BMPR2: variants seen among roughly 807,000 people sequenced by gnomAD.
The protein encoded by BMPR2 is bone morphogenetic protein receptor type 2.
Under a neutral mutation model 100.8 loss-of-function variants are expected in BMPR2, and 29 were observed. The observed-to-expected ratio is 0.29, with a 90% CI of 0.21 to 0.39. The LOEUF is 0.39. BMPR2 is among the 10% of genes least tolerant of loss of function. The probability of loss-of-function intolerance (pLI) is 1.00; values close to 1 mark genes in which losing one functional copy is unlikely to be tolerated. For missense variants in BMPR2, 1,011 were observed against 1,274.5 expected, an observed-to-expected ratio of 0.79 and a Z score of 3.15; for synonymous variants, 382 against 442.3, an observed-to-expected ratio of 0.86 and a Z score of 1.71.
Position 202,402,885 on chromosome 2 carries a change from A to G in BMPR2, c.76+25335A>G, listed in dbSNP as rs946639351. On this transcript the variant is annotated intron_variant, in intron 1 of 12. Coordinates refer to ENST00000374580, the MANE Select transcript of BMPR2 (RefSeq NM_001204.7). ...CTTTTGTCGTCTAGGCTGGAGTGCA[A>G]TGGCGCGATCTCAGCTCACAGCAAA... 2.2e-3 allele frequency among the ~76,000 whole-genome samples: 327 copies of G among 151,046 alleles called. 1 individual carries two copies. Among genetic ancestry groups the G allele is most frequent in the African/African-American group, 7.4e-3 (305 of 41,132 alleles).
intron 3 of BMPR2, among the ~76,000 whole-genome samples, chr2:202,508,609 A>G (rs1427914046): frequency 2.0e-5 from 3 of 152,268 alleles, no homozygotes; most frequent in Non-Finnish European, 2.9e-5. Flanking sequence ...GTTTCTGTCA[A>G]CAAACCATAT....
At chr2:202,535,276 T>G (rs193159913) in intron 9 of BMPR2, among the ~76,000 whole-genome samples, 21,758 of 150,622 alleles carry the variant, frequency 0.14, 1,665 homozygotes, top group South Asian at 0.25. Flanking sequence ...GAGAGGCTCC[T>G]CACTTCTCAG....
chr2:202,418,049 G>T (rs1046048603), intron 1 of BMPR2, among the ~76,000 whole-genome samples: 3 of 151,910 alleles, frequency 2.0e-5, no homozygotes, highest in African/African-American at 7.3e-5. Flanking sequence ...TAATGCCATT[G>T]CCCACTTAAC....
intron 1 of BMPR2, among the ~76,000 whole-genome samples, chr2:202,403,614 CA>C (rs1690817373): frequency 6.6e-6 from 1 of 152,138 alleles, no homozygotes. Flanking sequence ...ATAATAGGGT[CA>C]TCTTATTTGT....
rs1688732425 is a variant in BMPR2 at position 202,564,900 on chromosome 2, G to T, written c.*4954G>T. On this transcript the variant is annotated 3_prime_UTR_variant, in exon 13 of 13. Coordinates refer to ENST00000374580, the MANE Select transcript of BMPR2 (RefSeq NM_001204.7). ...TCTCTACTAAAAATACAAATAATTA[G>T]CCAGGCATGGTGGCACGCGCCTGTA... 1.3e-5 allele frequency: 2 copies of T among 152,126 alleles called. No homozygotes were observed. Among genetic ancestry groups the T allele is most frequent in the African/African-American group, 4.8e-5 (2 of 41,414 alleles). The allele number at this position is 152,126 out of a possible 1,614,324, so 9.4% of individuals were successfully genotyped here. A position where few individuals can be genotyped will look rare whatever the true frequency, so the allele number is the denominator to read the frequency against.
chr2:202,433,911 A>T (rs191182855), intron 1 of BMPR2, among the ~76,000 whole-genome samples: 1 of 150,502 alleles, frequency 6.6e-6, no homozygotes, highest in East Asian at 1.9e-4. Flanking sequence ...TGTCTCAAAA[A>T]ATAAATAAAT....
chr2:202,390,978 G>GTTTT (rs1201898500), intron 1 of BMPR2, among the ~76,000 whole-genome samples: 2 of 78,542 alleles, frequency 2.5e-5, no homozygotes, highest in Admixed American at 1.4e-4. Flanking sequence ...TTAGTAAGTA[G>GTTTT]TCTTTTTTTT....
At chr2:202,396,529 G>A (rs79833125) in intron 1 of BMPR2, among the ~76,000 whole-genome samples, 153 of 152,196 alleles carry the variant, frequency 1.0e-3, no homozygotes, top group African/African-American at 3.2e-3. Context: ...TGATAGCTGG[G>A]GTCTTTGGGA....
rs1474687920 is a variant in BMPR2, at chr2:202,435,405, ATATG to A, written c.77-29402_77-29399del. Reference sequence around the variant, plus strand: ...TATATATATATATATATATATATATATATGTTTTTGTACAGTTATACAGTATGTT... The same window carrying A: ...TATATATATATATATATATATATATATTTTTGTACAGTTATACAGTATGTT... On this transcript the variant is annotated intron_variant, in intron 1 of 12. Transcript: ENST00000374580. Among the ~76,000 whole-genome samples the A allele has an allele frequency of 4.0e-3, 531 of 132,348 alleles. 8 individuals carry two copies. The highest frequency in any genetic ancestry group is 6.6e-3 in the Non-Finnish European group (418 of 63,566). The allele number at this position is 132,348 out of a possible 152,430, so 86.8% of individuals were successfully genotyped here.
chr2:202,429,341 A>G (rs539539707), intron 1 of BMPR2, among the ~76,000 whole-genome samples: 2 of 13,148 alleles, frequency 1.5e-4, no homozygotes, highest in East Asian at 8.0e-3. Context: ...CATTTTCAGC[A>G]TCATTTCCTA....
intron 7 of BMPR2, among the ~76,000 whole-genome samples, chr2:202,522,994 CT>C: frequency 6.6e-6 from 1 of 152,196 alleles, no homozygotes; most frequent in Middle Eastern, 3.4e-3. Flanking sequence ...CAACAAAGGT[CT>C]AATATCCAGA....
chr2:202,491,647 AC>A (rs1369306140), intron 3 of BMPR2, among the ~76,000 whole-genome samples: 1 of 151,488 alleles, frequency 6.6e-6, no homozygotes. Flanking sequence ...CAGGAGATCC[AC>A]CCGCCTCAGC....
chr2:202,543,373 A>C (rs1688316777), intron 10 of BMPR2, among the ~76,000 whole-genome samples: 2 of 150,604 alleles, frequency 1.3e-5, no homozygotes, highest in Admixed American at 6.6e-5. Flanking sequence ...ATATACACTC[A>C]TATAATCTTT....
In BMPR2 at chr2:202,562,026, T is replaced by G. The variant is rs1688685496; in HGVS notation, c.*2080T>G. ...TTATTCTTCTATTAACAAATTATTT[T>G]TATCTTTCCTAGTACATTTTCACTT... On this transcript the variant is annotated 3_prime_UTR_variant, in exon 13 of 13. Transcript: ENST00000374580. 1 of 152,206 alleles carries G rather than the reference T, an allele frequency of 6.6e-6. No homozygotes were observed. Among genetic ancestry groups the G allele is most frequent in the Admixed American group, 6.5e-5 (1 of 15,280 alleles). 9.4% of individuals were successfully genotyped at this position (152,206 alleles called of 1,614,324 possible).
At chr2:202,485,824 C>A (rs1692767400) in intron 3 of BMPR2, among the ~76,000 whole-genome samples, 1 of 151,948 alleles carries the variant, frequency 6.6e-6, no homozygotes, top group South Asian at 2.1e-4. Context: ...AGATTACGGG[C>A]ATGAGCCAGG....
At chr2:202,530,712 C>G in intron 7 of BMPR2, 82 bp from the exon 8 acceptor site, 1 of 1,251,438 alleles carries the variant, frequency 8.0e-7, no homozygotes, top group Non-Finnish European at 1.1e-6. Flanking sequence ...AAAAATAATA[C>G]TACTTCTATA....
chr2:202,466,475 T>TA (rs1305484557), intron 2 of BMPR2, among the ~76,000 whole-genome samples: 1 of 151,892 alleles, frequency 6.6e-6, no homozygotes, highest in African/African-American at 2.4e-5. Context: ...TTAGTGGAGA[T>TA]AGAGTTTTGC....
At position 202,557,286 on chromosome 2, in the gene BMPR2, A is replaced by G. The variant is rs1338173718; in HGVS notation, c.2866+755A>G. Among the ~76,000 whole-genome samples the G allele has an allele frequency of 4.6e-5, 7 of 151,912 alleles. No individual in the cohort carries two copies. In the East Asian group the frequency reaches 1.4e-3, roughly 29 times the overall value. ...AGATCAGCCTGGCCAAGGTGGTGAA[A>G]CCCCTGTGTCTACTAAAAATACAAA... On this transcript the variant is annotated intron_variant, in intron 12 of 12. Coordinates refer to ENST00000374580, the MANE Select transcript of BMPR2 (RefSeq NM_001204.7).
chr2:202,456,604 T>G (rs1295819703), intron 1 of BMPR2, among the ~76,000 whole-genome samples: 1 of 149,888 alleles, frequency 6.7e-6, no homozygotes, highest in Non-Finnish European at 1.5e-5. Flanking sequence ...AACCTCTGCC[T>G]CCTGAGTTCA....
Sources: allele counts gnomAD v4.1 joint callset (sites outside exome capture counted in the v4.1 genomes callset), GRCh38; gene constraint gnomAD v4.1.1; transcripts MANE v1.5; gene names NCBI Gene and HGNC (gene_info 2026-07-23, HGNC 2026-07-21).